MED12L: variants seen among roughly 807,000 people sequenced by gnomAD.
MED12L encodes mediator complex subunit 12L.
MED12L carries 60 observed loss-of-function variants against 281.3 expected under a neutral mutation model. The ratio of observed to expected loss-of-function variants is 0.21; its 90% confidence interval spans 0.17 to 0.26. The LOEUF is 0.26. Ranked by LOEUF, MED12L falls within the 10% of genes least tolerant of loss-of-function variation. MED12L has a pLI of 1.00. For missense variants in MED12L, 2,146 were observed against 2,680.9 expected (o/e 0.80, Z 4.41); for synonymous variants, 974 against 987.2 (o/e 0.99, Z 0.25).
intron 25 of MED12L, among the ~76,000 whole-genome samples, chr3:151,368,723 T>C (rs764629988): frequency 1.1e-5 from 1 of 88,530 alleles, no homozygotes; most frequent in Admixed American, 1.3e-4. Context: ...TCATTTCATT[T>C]CATTTCATTT....
chr3:151,422,148 A>G (rs1718320516), intron 43 of MED12L, among the ~76,000 whole-genome samples: 1 of 152,180 alleles, frequency 6.6e-6, no homozygotes, highest in African/African-American at 2.4e-5. Context: ...ACTTCCTGCC[A>G]CTAGAGGACT....
At chr3:151,379,867 A>G (rs1194924676) in intron 31 of MED12L, among the ~76,000 whole-genome samples, 1 of 152,204 alleles carries the variant, frequency 6.6e-6, no homozygotes, top group Non-Finnish European at 1.5e-5. Flanking sequence ...GCATGCTCAC[A>G]TGCAGTATGG....
intron 16 of MED12L, among the ~76,000 whole-genome samples, chr3:151,332,549 G>A (rs1275076507): frequency 6.6e-6 from 1 of 152,042 alleles, no homozygotes; most frequent in Non-Finnish European, 1.5e-5. Flanking sequence ...CTAGAGATAG[G>A]CAATAAATTC....
At chr3:151,373,687 G>A (rs1171405837) in intron 27 of MED12L, among the ~76,000 whole-genome samples, 2 of 151,810 alleles carry the variant, frequency 1.3e-5, no homozygotes, top group African/African-American at 4.8e-5. Flanking sequence ...ACTGTACTTA[G>A]TTATTTTCAT....
chr3:151,151,083 C>T (rs927587841), intron 5 of MED12L, among the ~76,000 whole-genome samples: 4 of 94,168 alleles, frequency 4.2e-5, no homozygotes, highest in Non-Finnish European at 7.9e-5. Flanking sequence ...GTTGCCCAGG[C>T]TGGAGTGCAG....
At chr3:151,137,509 T>C (rs1012681761) in intron 5 of MED12L, among the ~76,000 whole-genome samples, 1 of 152,204 alleles carries the variant, frequency 6.6e-6, no homozygotes, top group African/African-American at 2.4e-5. Context: ...CTAAAGGTGC[T>C]CATTGCTACT....
intron 11 of MED12L, among the ~76,000 whole-genome samples, chr3:151,178,593 C>T (rs939761383): frequency 6.6e-6 from 1 of 152,164 alleles, no homozygotes; most frequent in African/African-American, 2.4e-5. Context: ...TGGTTCATTT[C>T]CACGAGTTAT....
rs146536414 is a variant in MED12L at position 151,325,824 on chromosome 3, A to G, written c.2251-24235A>G. Among the ~76,000 whole-genome samples the G allele has an allele frequency of 2.5e-4, 38 of 152,360 alleles. No individual in the cohort carries two copies. The East Asian group carries it at 6.9e-3, about 28-fold the overall frequency. ...GGCAAAATACACAGGTTACCCCACC[A>G]GACATACCTGGCTGTTTAACAAGGG... On this transcript the variant is annotated intron_variant, in intron 16 of 44. Transcript: ENST00000687756.
chr3:151,209,850 T>G (rs1726883272), intron 16 of MED12L, among the ~76,000 whole-genome samples: 1 of 152,150 alleles, frequency 6.6e-6, no homozygotes, highest in Admixed American at 6.5e-5. Context: ...TTTAGATTAC[T>G]CTGTTAGATA....
At chr3:151,337,585 G>T (rs1751181886) in intron 16 of MED12L, 2 of 498,010 alleles carry the variant, frequency 4.0e-6, no homozygotes, top group East Asian at 3.5e-5. Flanking sequence ...ATGACAATTG[G>T]ATGTCGTTTG....
chr3:151,236,681 T>G (rs1357428222), intron 16 of MED12L, among the ~76,000 whole-genome samples: 1 of 152,368 alleles, frequency 6.6e-6, no homozygotes, highest in East Asian at 1.9e-4. Flanking sequence ...TAAAAGTGTG[T>G]GTGAATGAAG....
intron 16 of MED12L, among the ~76,000 whole-genome samples, chr3:151,223,119 C>T (rs976336509): frequency 3.4e-5 from 5 of 145,470 alleles, no homozygotes; most frequent in Non-Finnish European, 7.4e-5. Context: ...GGAACATGTG[C>T]TGGTTGTAAA....
At chr3:151,158,498 TA>T (rs1015504627) in intron 6 of MED12L, among the ~76,000 whole-genome samples, 190 bp from the exon 7 acceptor site, 2 of 151,890 alleles carry the variant, frequency 1.3e-5, no homozygotes, top group African/African-American at 4.8e-5. Flanking sequence ...AGCAGATTTC[TA>T]AAAAACAAAA....
intron 5 of MED12L, among the ~76,000 whole-genome samples, chr3:151,137,198 A>G (rs1716278772): frequency 6.6e-6 from 1 of 151,792 alleles, no homozygotes; most frequent in Non-Finnish European, 1.5e-5. Context: ...AACGAAAAAA[A>G]GTTTATTTTT....
At chr3:151,170,593 A>C (rs542769079) in intron 11 of MED12L, among the ~76,000 whole-genome samples, 5 of 150,814 alleles carry the variant, frequency 3.3e-5, no homozygotes, top group Non-Finnish European at 5.9e-5. Flanking sequence ...CTAATTCTTT[A>C]CTCTCCCTCC....
chr3:151,215,677 C>T (rs930744348), intron 16 of MED12L, among the ~76,000 whole-genome samples: 9 of 152,176 alleles, frequency 5.9e-5, no homozygotes, highest in Non-Finnish European at 1.3e-4. Context: ...TATATCGGAA[C>T]AGATGTTTAC....
intron 8 of MED12L, among the ~76,000 whole-genome samples, chr3:151,161,444 G>A (rs1719967574): frequency 6.6e-6 from 1 of 152,162 alleles, no homozygotes; most frequent in East Asian, 1.9e-4. Flanking sequence ...CCGTGAACCT[G>A]AAGGACAGGA....
At chr3:151,233,305 A>C (rs182628648) in intron 16 of MED12L, among the ~76,000 whole-genome samples, 1 of 152,340 alleles carries the variant, frequency 6.6e-6, no homozygotes, top group Admixed American at 6.5e-5. Context: ...AGCAATAGCT[A>C]CCATTCATTT....
chr3:151,112,923 A>G (rs1472111313), intron 2 of MED12L, among the ~76,000 whole-genome samples: 2 of 152,186 alleles, frequency 1.3e-5, no homozygotes, highest in Non-Finnish European at 2.9e-5. Context: ...AACAGCTGCG[A>G]TGTGTGCTAT....
Sources: allele counts gnomAD v4.1 joint callset (sites outside exome capture counted in the v4.1 genomes callset), GRCh38; gene constraint gnomAD v4.1.1; transcripts MANE v1.5; gene names NCBI Gene and HGNC (gene_info 2026-07-23, HGNC 2026-07-21).